The following RIC3 variants were observed in gnomAD, a reference collection of about 807,000 sequenced individuals.
RIC3 encodes RIC3 acetylcholine receptor chaperone, also known as protein RIC-3.
A neutral mutation model predicts 27.3 loss-of-function variants in RIC3; 28 were observed. The observed-to-expected ratio is 1.02, with a 90% CI of 0.76 to 1.41. The LOEUF (loss-of-function observed/expected upper bound fraction) is 1.41, where lower values mean the gene tolerates loss of function less well. RIC3 is among the 40% of genes most tolerant of loss of function. The probability of loss-of-function intolerance (pLI) is 0.00; values close to 1 mark genes in which losing one functional copy is unlikely to be tolerated. For synonymous variants in RIC3, 184 were observed against 160.4 expected, an observed-to-expected ratio of 1.15 and a Z score of -1.11; for missense variants, 501 against 444.7, an observed-to-expected ratio of 1.13 and a Z score of -1.14.
At chr11:8,133,498 C>G (rs1277623952) in intron 4 of RIC3, among the ~76,000 whole-genome samples, 1 of 152,156 alleles carries the variant, frequency 6.6e-6, no homozygotes, top group Admixed American at 6.5e-5. Context: ...GAGCCAGGAG[C>G]CATGCTCTTT....
intron 1 of RIC3, among the ~76,000 whole-genome samples, chr11:8,154,094 G>T (rs1213251230): frequency 1.3e-5 from 2 of 151,998 alleles, no homozygotes; most frequent in African/African-American, 4.8e-5. Flanking sequence ...TTTCTAGTGG[G>T]AATTTTTTTT....
In RIC3 at chr11:8,126,655, T is replaced by A. The variant is rs755079609; in HGVS notation, c.670+4A>T. 1 of 1,613,892 alleles carries A rather than the reference T, an allele frequency of 6.2e-7. No individual in the cohort carries two copies. Among genetic ancestry groups the A allele is most frequent in the Non-Finnish European group, 8.5e-7 (1 of 1,179,864 alleles). ...TAACAAAAAAATGAGAAGACACTGT[T>A]TACCTTCCCAGTCCTCCATGTAAGG... On this transcript the variant is annotated splice_donor_region_variant and intron_variant, in intron 5 of 5. Transcript: ENST00000309737.
the RIC3 span, chr11:8,097,490 A>G: frequency 2.6e-3 from 4,159 of 1,604,124 alleles, 118 homozygotes; most frequent in African/African-American, 0.048. Flanking sequence ...AGGGGCTGAA[A>G]TGTGACTGGA....
the RIC3 span, chr11:8,098,894 G>A: frequency 6.4e-7 from 1 of 1,566,142 alleles, no homozygotes; most frequent in African/African-American, 1.4e-5. Flanking sequence ...TAGGTTCGGG[G>A]GTCTCTGATT....
At chr11:8,101,837 TGA>T, downstream of RIC3, 1 of 670,688 alleles carries the variant, frequency 1.5e-6, no homozygotes, top group Non-Finnish European at 2.4e-6. Context: ...TGTGAAGGGA[TGA>T]GAATAATTCT....
intron 1 of RIC3, among the ~76,000 whole-genome samples, chr11:8,147,096 A>C (rs1293722052): frequency 6.6e-6 from 1 of 152,212 alleles, no homozygotes; most frequent in East Asian, 1.9e-4. Context: ...GAAATTCAAA[A>C]GAATGCAACC....
intron 1 of RIC3, among the ~76,000 whole-genome samples, chr11:8,149,088 G>C (rs1192874436): frequency 6.6e-6 from 1 of 151,560 alleles, no homozygotes. Flanking sequence ...AGCTATTCGG[G>C]AGGCTGAGGC....
At chr11:8,093,982 T>C in the RIC3 span, 1 of 1,603,016 alleles carries the variant, frequency 6.2e-7, no homozygotes, top group South Asian at 1.1e-5. Flanking sequence ...TGTGTTCAGG[T>C]GGGAGCTCTG....
chr11:8,149,504 C>A (rs80179904), intron 1 of RIC3, among the ~76,000 whole-genome samples: 1 of 151,998 alleles, frequency 6.6e-6, no homozygotes, highest in Non-Finnish European at 1.5e-5. Flanking sequence ...GGGATTAATC[C>A]AGCAGCAGAA....
chr11:8,152,934 T>C (rs1374897314), intron 1 of RIC3, among the ~76,000 whole-genome samples: 2 of 151,708 alleles, frequency 1.3e-5, no homozygotes, highest in African/African-American at 2.4e-5. Context: ...AGTTGATGAG[T>C]GAGTAACAGG....
chr11:8,100,862 A>G, the RIC3 span: 4 of 1,614,156 alleles, frequency 2.5e-6, no homozygotes, highest in Non-Finnish European at 3.4e-6. Flanking sequence ...GCAGAATAAG[A>G]ACACGGAGAG....
chr11:8,164,248 T>A (rs982562931), intron 1 of RIC3, among the ~76,000 whole-genome samples: 3 of 152,036 alleles, frequency 2.0e-5, no homozygotes, highest in African/African-American at 7.2e-5. Flanking sequence ...TAGGCATAAA[T>A]CTTCATGACC....
chr11:8,106,380 C>T lies in RIC3; in HGVS notation c.*4318G>A, dbSNP rs1944655724. On this transcript the variant is annotated 3_prime_UTR_variant, in exon 6 of 6. Transcript: ENST00000309737. ...AATAGCAAAGAGATCATAACCTCAC[C>T]AATGACATGTGGGTCAACACTGTCC... The T allele has an allele frequency of 6.6e-6, 1 of 152,172 alleles. No individual in the cohort carries two copies. Among genetic ancestry groups the T allele is most frequent in the South Asian group, 2.1e-4 (1 of 4,830 alleles). The allele number at this position is 152,172 out of a possible 1,614,324, so 9.4% of individuals were successfully genotyped here. A position where few individuals can be genotyped will look rare whatever the true frequency, so the allele number is the denominator to read the frequency against.
At chr11:8,149,458 T>G (rs2134081915) in intron 1 of RIC3, among the ~76,000 whole-genome samples, 1 of 152,262 alleles carries the variant, frequency 6.6e-6, no homozygotes, top group African/African-American at 2.4e-5. Context: ...TATATAAATT[T>G]GATACAGTGG....
chr11:8,127,641 G>C (rs961667483), intron 4 of RIC3, among the ~76,000 whole-genome samples: 2 of 152,156 alleles, frequency 1.3e-5, no homozygotes, highest in Non-Finnish European at 2.9e-5. Flanking sequence ...AGGCAAACAA[G>C]GTCCTACTTA....
chr11:8,098,914 G>A, the RIC3 span: 12 of 1,461,842 alleles, frequency 8.2e-6, no homozygotes, highest in South Asian at 1.4e-4. Flanking sequence ...TTCCAAGGTA[G>A]ATATGAAATC....
intron 1 of RIC3, among the ~76,000 whole-genome samples, chr11:8,144,015 T>C (rs1324707375): frequency 6.6e-6 from 1 of 152,162 alleles, no homozygotes; most frequent in African/African-American, 2.4e-5. Flanking sequence ...TTACACCTTA[T>C]ACAAAAATCA....
At chr11:8,096,785 T>G in the RIC3 span, 1 of 1,614,172 alleles carries the variant, frequency 6.2e-7, no homozygotes, top group Non-Finnish European at 8.5e-7. Flanking sequence ...CCAGCTCTGC[T>G]ACTAGCAGGA....
intron 5 of RIC3, among the ~76,000 whole-genome samples, chr11:8,114,801 CAG>C (rs138565918): frequency 0.035 from 5,315 of 151,654 alleles, 114 homozygotes; most frequent in South Asian, 0.078. Context: ...AAAAATCAAA[CAG>C]AAATTCTACA....
Sources: allele counts gnomAD v4.1 joint callset (sites outside exome capture counted in the v4.1 genomes callset), GRCh38; gene constraint gnomAD v4.1.1; transcripts MANE v1.5; gene names NCBI Gene and HGNC (gene_info 2026-07-23, HGNC 2026-07-21).